The following PRKCA variants were observed in gnomAD, a reference collection of about 807,000 sequenced individuals.
The protein encoded by PRKCA is protein kinase C alpha.
In PRKCA, 27 loss-of-function variants were observed where a neutral mutation model predicts 87.0. The observed-to-expected ratio is 0.31, with a 90% CI of 0.23 to 0.43. The LOEUF (loss-of-function observed/expected upper bound fraction) is 0.43. Ranked by LOEUF, PRKCA falls within the 20% of genes least tolerant of loss-of-function variation. The pLI is 1.00. For synonymous variants in PRKCA, 329 were observed against 311.1 expected (o/e 1.06, Z -0.61); for missense variants, 518 against 852.3 (o/e 0.61, Z 4.88).
At chr17:66,540,110 A>T (rs1414480196) in intron 3 of PRKCA, among the ~76,000 whole-genome samples, 1 of 152,152 alleles carries the variant, frequency 6.6e-6, no homozygotes, top group African/African-American at 2.4e-5. Flanking sequence ...TGTTTTCCCC[A>T]TTGGGAACCC....
rs936128515 is a variant in PRKCA at position 66,803,251 on chromosome 17, G to T, written c.1855-622G>T. On this transcript the variant is annotated intron_variant, in intron 16 of 16. Transcript: ENST00000413366. This position sits in a 1 kb window ranked among gnomAD's most constrained non-coding sequence, Gnocchi z 4.4. The stretch of plus-strand genomic sequence containing the variant: ...CAGTCAGTCACCCAGCCTGCCCGCT[G>T]GCCAGCTCTGTCTAGGTGTGCTAAA... Among the ~76,000 whole-genome samples the T allele has an allele frequency of 6.6e-6, 1 of 152,144 alleles. No homozygotes were observed. Among genetic ancestry groups the T allele is most frequent in the Non-Finnish European group, 1.5e-5 (1 of 68,028 alleles).
chr17:66,587,495 T>A (rs918015235), intron 3 of PRKCA, among the ~76,000 whole-genome samples: 1 of 152,108 alleles, frequency 6.6e-6, no homozygotes, highest in African/African-American at 2.4e-5. Context: ...TTGTTATATA[T>A]GATGACAGTA....
chr17:66,404,689 C>T (rs957547915), intron 2 of PRKCA, among the ~76,000 whole-genome samples: 33 of 148,492 alleles, frequency 2.2e-4, no homozygotes, highest in Non-Finnish European at 4.5e-4. Flanking sequence ...GCCTTGGCTC[C>T]TCAGTCTCTG....
intron 3 of PRKCA, among the ~76,000 whole-genome samples, chr17:66,569,323 CT>C (rs1598777971): frequency 6.7e-6 from 1 of 149,486 alleles, no homozygotes; most frequent in East Asian, 2.0e-4. Context: ...AATCCCAGCA[CT>C]TTGGAGGCCG....
chr17:66,429,540 A>G (rs1386655351), intron 2 of PRKCA, among the ~76,000 whole-genome samples: 2 of 152,298 alleles, frequency 1.3e-5, no homozygotes, highest in East Asian at 3.9e-4. Flanking sequence ...TGTACATTGC[A>G]TGGAATATTA....
intron 2 of PRKCA, among the ~76,000 whole-genome samples, chr17:66,452,461 C>T (rs766914129): frequency 1.3e-5 from 2 of 152,102 alleles, no homozygotes; most frequent in Admixed American, 6.5e-5. Flanking sequence ...CTGTGTATAG[C>T]GAGAATAAGG....
rs192531270 is a variant in PRKCA, at chr17:66,752,383, C to T, written c.1524+9623C>T. Among the ~76,000 whole-genome samples the T allele has an allele frequency of 1.4e-4, 21 of 152,188 alleles. No individual in the cohort carries two copies. The East Asian group carries it at 3.1e-3, about 22-fold the overall frequency. On this transcript the variant is annotated intron_variant, in intron 13 of 16. Coordinates refer to ENST00000413366, the MANE Select transcript of PRKCA (RefSeq NM_002737.3). ...GCCGGGGTGGGAGGATCACCTGAGG[C>T]CAGGAGTTCGAGACCAGCCTGGCCA...
rs1291712741 is a variant in PRKCA at position 66,638,429 on chromosome 17, ATC to A, written c.289-2922_289-2921del. 7.2e-5 allele frequency: 11 copies of A among 152,158 alleles called. No individual in the cohort carries two copies. The East Asian group carries it at 1.7e-3, about 24-fold the overall frequency. 9.4% of individuals were successfully genotyped at this position (152,158 alleles called of 1,614,324 possible). ...ATGTGATTTGGGGAAGGTCATTAAC[ATC>A]TCTGTAAAACGAGGATAATTAGGCA... On this transcript the variant is annotated intron_variant, in intron 3 of 16. Transcript: ENST00000413366.
intron 8 of PRKCA, among the ~76,000 whole-genome samples, chr17:66,710,929 G>A (rs923709226): frequency 2.0e-5 from 3 of 152,026 alleles, no homozygotes; most frequent in Non-Finnish European, 4.4e-5. Flanking sequence ...CGTAATCCCA[G>A]CTACTCGGGA....
In PRKCA at chr17:66,693,693, A is replaced by T. The variant is rs545201103; in HGVS notation, c.918+4646A>T. On this transcript the variant is annotated intron_variant, in intron 8 of 16. Transcript: ENST00000413366. ...TGCAGAGGATGGGTTAGCTCTGCTC[A>T]GCAAACTTTTTCTGTACCTAGTCAG... 7.9e-5 allele frequency among the ~76,000 whole-genome samples: 12 copies of T among 152,336 alleles called. No individual in the cohort carries two copies. The East Asian group carries it at 2.1e-3, about 27-fold the overall frequency.
chr17:66,553,802 G>A (rs552240317), intron 3 of PRKCA, among the ~76,000 whole-genome samples: 10 of 152,276 alleles, frequency 6.6e-5, no homozygotes, highest in South Asian at 2.1e-4. Flanking sequence ...GAACCAAGAC[G>A]TGTAAGACAT....
intron 2 of PRKCA, among the ~76,000 whole-genome samples, chr17:66,327,484 C>T (rs192260758): frequency 6.5e-4 from 99 of 151,834 alleles, no homozygotes; most frequent in Middle Eastern, 3.4e-3. Context: ...TGCAGTGAGC[C>T]GAGATCGCGC....
chr17:66,686,163 G>A (rs571745564), intron 5 of PRKCA, among the ~76,000 whole-genome samples: 31 of 152,322 alleles, frequency 2.0e-4, no homozygotes, highest in Non-Finnish European at 3.4e-4. Flanking sequence ...TATCTTTTAC[G>A]TTGACGTGCA....
intron 3 of PRKCA, among the ~76,000 whole-genome samples, chr17:66,595,093 G>A (rs1016503873): frequency 2.0e-5 from 3 of 152,242 alleles, no homozygotes; most frequent in South Asian, 2.1e-4. Flanking sequence ...TTGCTTTGAC[G>A]ATGCATTATT....
intron 3 of PRKCA, among the ~76,000 whole-genome samples, chr17:66,622,955 C>CA (rs945624358): frequency 6.6e-6 from 1 of 152,238 alleles, no homozygotes; most frequent in African/African-American, 2.4e-5. Context: ...GGTGGGGACA[C>CA]AGAGCCAAAC....
At chr17:66,759,069 C>T (rs1014872064) in intron 13 of PRKCA, among the ~76,000 whole-genome samples, 2 of 151,944 alleles carry the variant, frequency 1.3e-5, no homozygotes, top group Non-Finnish European at 2.9e-5. Context: ...TGAAAGTAGA[C>T]TTGGGCTGGG....
At chr17:66,383,595 G>A (rs771851221) in intron 2 of PRKCA, among the ~76,000 whole-genome samples, 12 of 152,128 alleles carry the variant, frequency 7.9e-5, no homozygotes, top group African/African-American at 1.2e-4. Flanking sequence ...TACTTACTGC[G>A]AAGAAGTTTA....
At chr17:66,783,725 A>G (rs1177078793) in intron 14 of PRKCA, among the ~76,000 whole-genome samples, 1 of 152,216 alleles carries the variant, frequency 6.6e-6, no homozygotes, top group Non-Finnish European at 1.5e-5. Context: ...TACTCAAGAC[A>G]GATTTCTGGG....
At chr17:66,343,660 A>C (rs1907180314) in intron 2 of PRKCA, among the ~76,000 whole-genome samples, 1 of 152,130 alleles carries the variant, frequency 6.6e-6, no homozygotes, top group Admixed American at 6.6e-5. Flanking sequence ...GGTGGACTTA[A>C]GAGGCTGTAC....
Sources: gnomAD v4.1 joint callset for allele counts (sites outside exome capture counted in the v4.1 genomes callset) on GRCh38, gnomAD v4.1.1 for gene constraint, Gnocchi (gnomAD v3.1) non-coding constraint, MANE v1.5 for transcripts, NCBI Gene and HGNC (gene_info 2026-07-23, HGNC 2026-07-21) for gene names.